CSNK1G1: variants seen among roughly 807,000 people sequenced by gnomAD.
CSNK1G1 encodes the protein casein kinase I isoform gamma-1.
CSNK1G1 carries 22 observed loss-of-function variants against 59.6 expected under a neutral mutation model. The observed-to-expected ratio is 0.37, with a 90% confidence interval of 0.26 to 0.53. The LOEUF is 0.53. CSNK1G1 is among the 20% of genes least tolerant of loss of function. The pLI is 0.89. For missense variants in CSNK1G1, 384 were observed against 519.5 expected, an observed-to-expected ratio of 0.74 and a Z score of 2.54; for synonymous variants, 179 against 177.1, an observed-to-expected ratio of 1.01 and a Z score of -0.08.
intron 1 of CSNK1G1, among the ~76,000 whole-genome samples, chr15:64,319,430 T>C (rs1896442913): frequency 6.6e-6 from 1 of 152,102 alleles, no homozygotes; most frequent in South Asian, 2.1e-4. Context: ...TTTTTTTTTT[T>C]CCAAAAATGC....
chr15:64,240,181 C>T (rs749872556), intron 4 of CSNK1G1, among the ~76,000 whole-genome samples: 24 of 152,200 alleles, frequency 1.6e-4, no homozygotes, highest in Non-Finnish European at 2.8e-4. Context: ...CTGCAGTGAG[C>T]TAAGATTGTG....
intron 9 of CSNK1G1, among the ~76,000 whole-genome samples, chr15:64,203,832 C>T (rs1401477717): frequency 6.6e-6 from 1 of 151,810 alleles, no homozygotes; most frequent in Admixed American, 6.6e-5. Flanking sequence ...ACATTAACAG[C>T]GTATGTGGCA....
At chr15:64,345,081 G>T (rs140895700) in intron 1 of CSNK1G1, among the ~76,000 whole-genome samples, 1 of 152,252 alleles carries the variant, frequency 6.6e-6, no homozygotes, top group African/African-American at 2.4e-5. Flanking sequence ...TACCCTAGAT[G>T]ACCAGAATAT....
chr15:64,297,439 C>T (rs973470914), intron 2 of CSNK1G1, among the ~76,000 whole-genome samples: 3 of 151,864 alleles, frequency 2.0e-5, no homozygotes, highest in African/African-American at 4.8e-5. Context: ...TCAGGTGTGG[C>T]GGCTCACATC....
intron 11 of CSNK1G1, among the ~76,000 whole-genome samples, chr15:64,177,513 C>T (rs992250505): frequency 3.9e-5 from 6 of 152,218 alleles, no homozygotes; most frequent in Non-Finnish European, 7.3e-5. Context: ...CCATGAGCTT[C>T]GGGATGACAT....
intron 4 of CSNK1G1, among the ~76,000 whole-genome samples, chr15:64,222,290 G>A (rs1433604344): frequency 6.7e-6 from 1 of 150,230 alleles, no homozygotes; most frequent in Non-Finnish European, 1.5e-5. Context: ...ATGGGGGGTC[G>A]GGGGAGGGAA....
intron 1 of CSNK1G1, among the ~76,000 whole-genome samples, chr15:64,352,689 C>T (rs1898381476): frequency 6.6e-6 from 1 of 151,082 alleles, no homozygotes; most frequent in African/African-American, 2.4e-5. Flanking sequence ...AGGTGATCCG[C>T]CCACCTCGGC....
Position 64,188,283 on chromosome 15 carries a change from C to T in CSNK1G1, c.1108-7829G>A. On this transcript the variant is annotated intron_variant, in intron 10 of 11. Coordinates refer to ENST00000303052, the MANE Select transcript of CSNK1G1 (RefSeq NM_022048.5). The surrounding 1 kb of genome is among the most constrained non-coding windows in gnomAD (Gnocchi z 4.2). ...TTCAATTAGCCCTTCCTGTAAGCTT[C>T]CTTTCTAAGGCTGCCGAAGGTTCAG... 1 of 877,550 alleles carries T rather than the reference C, an allele frequency of 1.1e-6. No homozygotes were observed. The highest frequency in any genetic ancestry group is 1.7e-5 in the African/African-American group (1 of 59,234). The allele number at this position is 877,550 out of a possible 1,614,324, so 54.4% of individuals were successfully genotyped here. A position where few individuals can be genotyped will look rare whatever the true frequency, so the allele number is the denominator to read the frequency against.
Position 64,216,513 on chromosome 15 carries a change from T to C in CSNK1G1, c.444+49A>G. On this transcript the variant is annotated intron_variant, in intron 5 of 11. Coordinates refer to ENST00000303052, the MANE Select transcript of CSNK1G1 (RefSeq NM_022048.5). The surrounding 1 kb of genome is among the most constrained non-coding windows in gnomAD (Gnocchi z 4.6). ...AATCACCAAAAGGCCCACAAGGATGTGGCTGAGGAACCAGCTTATTCTCTT... is the reference window on the plus strand; with the variant it reads ...AATCACCAAAAGGCCCACAAGGATGCGGCTGAGGAACCAGCTTATTCTCTT... The C allele has an allele frequency of 1.9e-6, 3 of 1,582,642 alleles. No homozygotes were observed. The highest frequency in any genetic ancestry group is 2.6e-6 in the Non-Finnish European group (3 of 1,154,440).
intron 1 of CSNK1G1, among the ~76,000 whole-genome samples, chr15:64,308,875 C>T (rs890525074): frequency 4.2e-5 from 6 of 143,654 alleles, no homozygotes; most frequent in East Asian, 2.1e-4. Flanking sequence ...CCAGCCTGGG[C>T]GACAGAGTGA....
chr15:64,350,247 A>G (rs1392030163), intron 1 of CSNK1G1, among the ~76,000 whole-genome samples: 2 of 152,178 alleles, frequency 1.3e-5, no homozygotes, highest in Non-Finnish European at 2.9e-5. Flanking sequence ...TAATCCCAGC[A>G]CTTTGGGAGG....
chr15:64,251,460 G>T, intron 4 of CSNK1G1, 52 bp downstream of exon 4: 2 of 1,313,272 alleles, frequency 1.5e-6, no homozygotes, highest in Non-Finnish European at 2.1e-6. Flanking sequence ...ATATTTTAGG[G>T]CTTCCAGCTA....
intron 1 of CSNK1G1, among the ~76,000 whole-genome samples, chr15:64,334,504 T>C (rs560380383): frequency 6.6e-6 from 1 of 152,350 alleles, no homozygotes; most frequent in South Asian, 2.1e-4. Context: ...GAAATAATTA[T>C]TCAACTCACC....
intron 9 of CSNK1G1, 26 bp downstream of exon 9, chr15:64,204,412 TAAA>T (rs75931046): frequency 0.015 from 20,682 of 1,359,844 alleles, no homozygotes; most frequent in South Asian, 0.026. Flanking sequence ...GTAATGAGGT[TAAA>T]AAAAAAAAAA....
intron 4 of CSNK1G1, among the ~76,000 whole-genome samples, chr15:64,245,222 C>T (rs1453968685): frequency 6.6e-6 from 1 of 152,152 alleles, no homozygotes; most frequent in Non-Finnish European, 1.5e-5. Flanking sequence ...CTCAAAAACA[C>T]AGGCAACAGA....
intron 10 of CSNK1G1, 142 bp downstream of exon 10, chr15:64,202,940 T>G (rs1299803417): frequency 2.9e-6 from 2 of 681,410 alleles, no homozygotes; most frequent in Admixed American, 2.2e-5. Context: ...TGCTTGAAAG[T>G]CATACCACAC....
chr15:64,281,892 G>A, intron 2 of CSNK1G1, among the ~76,000 whole-genome samples: 1 of 150,378 alleles, frequency 6.6e-6, no homozygotes, highest in Non-Finnish European at 1.5e-5. Flanking sequence ...ACTTAAAAAT[G>A]ATTGAGATGG....
rs1318806856 is a variant in CSNK1G1, at chr15:64,188,447, C to T, written c.1108-7993G>A. On this transcript the variant is annotated intron_variant, in intron 10 of 11. Coordinates refer to ENST00000303052, the MANE Select transcript of CSNK1G1 (RefSeq NM_022048.5). The surrounding 1 kb of genome is among the most constrained non-coding windows in gnomAD (Gnocchi z 4.2). The stretch of plus-strand genomic sequence containing the variant: ...ATGAGGTATTGGTCTGCCGGCTGGG[C>T]TGAATTTCCCACTCTCCTCGGCGCT... 8 of 1,536,012 alleles carry T rather than the reference C, an allele frequency of 5.2e-6. No homozygotes were observed. The highest frequency in any genetic ancestry group is 7.0e-6 in the Non-Finnish European group (8 of 1,146,928).
intron 11 of CSNK1G1, among the ~76,000 whole-genome samples, chr15:64,172,347 A>G (rs1401775055): frequency 6.6e-6 from 1 of 152,194 alleles, no homozygotes; most frequent in Non-Finnish European, 1.5e-5. Context: ...CTGCATAAAA[A>G]TAGTCTACAT....
Sources: gnomAD v4.1 joint callset for allele counts (sites outside exome capture counted in the v4.1 genomes callset) on GRCh38, gnomAD v4.1.1 for gene constraint, Gnocchi (gnomAD v3.1) non-coding constraint, MANE v1.5 for transcripts, NCBI Gene and HGNC (gene_info 2026-07-23, HGNC 2026-07-21) for gene names.